ALK: variants seen among roughly 807,000 people sequenced by gnomAD.
ALK encodes the protein ALK receptor tyrosine kinase.
A neutral mutation model predicts 163.1 loss-of-function variants in ALK; 74 were observed. The observed-to-expected ratio is 0.45, with a 90% CI of 0.38 to 0.55. ALK has a LOEUF of 0.55. ALK is among the 20% of genes least tolerant of loss of function. The probability of loss-of-function intolerance (pLI) is 0.00; values close to 1 mark genes in which losing one functional copy is unlikely to be tolerated. For missense variants in ALK, 2,063 were observed against 2,105.3 expected, an observed-to-expected ratio of 0.98 and a Z score of 0.39; for synonymous variants, 960 against 843.2, an observed-to-expected ratio of 1.14 and a Z score of -2.40.
chr2:29,206,018 G>A (rs1402629434), intron 26 of ALK, among the ~76,000 whole-genome samples: 1 of 152,182 alleles, frequency 6.6e-6, no homozygotes, highest in African/African-American at 2.4e-5. Flanking sequence ...CAGGACCAGG[G>A]AGACTTCAGT....
At chr2:29,561,499 A>C (rs1674022423) in intron 3 of ALK, among the ~76,000 whole-genome samples, 1 of 152,192 alleles carries the variant, frequency 6.6e-6, no homozygotes, top group Non-Finnish European at 1.5e-5. Context: ...AGAGAATACC[A>C]AGTTCACTGT....
chr2:29,655,361 G>T (rs1677156139), intron 3 of ALK, among the ~76,000 whole-genome samples: 1 of 152,138 alleles, frequency 6.6e-6, no homozygotes, highest in Admixed American at 6.5e-5. Context: ...AAGATGTCAA[G>T]ATGTCCAAAT....
chr2:29,291,810 A>C (rs905802671), intron 9 of ALK, among the ~76,000 whole-genome samples: 7 of 152,170 alleles, frequency 4.6e-5, no homozygotes, highest in African/African-American at 1.7e-4. Flanking sequence ...GAAATCTACT[A>C]TTTCTCTACA....
intron 1 of ALK, among the ~76,000 whole-genome samples, chr2:29,824,433 G>A (rs1665137898): frequency 6.6e-6 from 1 of 152,208 alleles, no homozygotes; most frequent in African/African-American, 2.4e-5. Context: ...CCATGAGCCT[G>A]GAAAAGCCAC....
intron 11 of ALK, among the ~76,000 whole-genome samples, chr2:29,256,234 T>C (rs1211716585): frequency 6.6e-6 from 1 of 152,146 alleles, no homozygotes; most frequent in Non-Finnish European, 1.5e-5. Context: ...TCCTGACTTG[T>C]TTTGTCCTTC....
intron 3 of ALK, among the ~76,000 whole-genome samples, chr2:29,616,188 C>T (rs2094652997): frequency 6.6e-6 from 1 of 152,108 alleles, no homozygotes; most frequent in African/African-American, 2.4e-5. Flanking sequence ...AGAGGGAGCT[C>T]CTGCTTGGAA....
intron 6 of ALK, among the ~76,000 whole-genome samples, chr2:29,326,458 C>T (rs1667264907): frequency 6.6e-6 from 1 of 152,188 alleles, no homozygotes; most frequent in Non-Finnish European, 1.5e-5. Context: ...ATCGCGAAAT[C>T]ACAGAGTTCA....
At chr2:29,594,427 T>C (rs951545787) in intron 3 of ALK, among the ~76,000 whole-genome samples, 3 of 107,652 alleles carry the variant, frequency 2.8e-5, no homozygotes, top group African/African-American at 5.2e-5. Context: ...GTCTCCTCAC[T>C]TTTTTTTTTT....
intron 1 of ALK, among the ~76,000 whole-genome samples, chr2:29,876,207 T>C (rs559680619): frequency 5.9e-5 from 9 of 152,320 alleles, no homozygotes; most frequent in African/African-American, 1.9e-4. Context: ...GTTGTCAGGA[T>C]TAAAGGAAAT....
chr2:29,649,961 A>G (rs923675173), intron 3 of ALK, among the ~76,000 whole-genome samples: 1 of 152,130 alleles, frequency 6.6e-6, no homozygotes, highest in Admixed American at 6.6e-5. Context: ...AGACCACAAA[A>G]TCTATGCAGA....
intron 1 of ALK, among the ~76,000 whole-genome samples, chr2:29,729,130 C>T (rs1335305401): frequency 1.3e-5 from 2 of 152,198 alleles, no homozygotes; most frequent in East Asian, 1.9e-4. Context: ...AGCCTCCCCT[C>T]GCTCTGAAAC....
chr2:29,334,636 A>G lies in ALK; in HGVS notation c.1283-6155T>C, dbSNP rs183013079. 1.0e-3 allele frequency among the ~76,000 whole-genome samples: 156 copies of G among 152,290 alleles called. 1 individual carries two copies. The highest frequency in any genetic ancestry group is 3.6e-3 in the African/African-American group (148 of 41,560). On this transcript the variant is annotated intron_variant, in intron 5 of 28. Transcript: ENST00000389048. ...CTCTGATGCCCTGGATTTTGTCCCC[A>G]GGACCTGTCTTCCTGGGTGGAAGCA...
intron 1 of ALK, among the ~76,000 whole-genome samples, chr2:29,796,197 G>A (rs558897803): frequency 1.3e-5 from 2 of 152,218 alleles, no homozygotes; most frequent in African/African-American, 4.8e-5. Flanking sequence ...TGGAACCATC[G>A]GTAGATCTGT....
intron 5 of ALK, among the ~76,000 whole-genome samples, chr2:29,363,279 C>A (rs1375945273): frequency 1.3e-5 from 2 of 152,212 alleles, no homozygotes; most frequent in Non-Finnish European, 2.9e-5. Context: ...AACCACAGAA[C>A]CCACTTTGGC....
chr2:29,319,841 G>T (rs1055380418), intron 7 of ALK, among the ~76,000 whole-genome samples: 3 of 152,256 alleles, frequency 2.0e-5, no homozygotes, highest in Non-Finnish European at 4.4e-5. Context: ...CTGCTGCACA[G>T]TGGGGACTGA....
chr2:29,442,842 A>G (rs774879501), intron 4 of ALK, among the ~76,000 whole-genome samples: 5 of 152,244 alleles, frequency 3.3e-5, no homozygotes, highest in Non-Finnish European at 7.3e-5. Flanking sequence ...TTTAATTTGT[A>G]AAAACATAGT....
At chr2:29,516,955 A>G (rs1042010009) in intron 4 of ALK, among the ~76,000 whole-genome samples, 1 of 152,254 alleles carries the variant, frequency 6.6e-6, no homozygotes, top group African/African-American at 2.4e-5. Flanking sequence ...TATCCTTATC[A>G]TCATCTACTT....
intron 3 of ALK, among the ~76,000 whole-genome samples, chr2:29,636,908 T>C (rs1007773332): frequency 3.9e-5 from 6 of 152,270 alleles, no homozygotes; most frequent in African/African-American, 1.2e-4. Flanking sequence ...CTCACATCTG[T>C]CAGAATGGCT....
At chr2:29,868,510 T>A (rs1017760256) in intron 1 of ALK, among the ~76,000 whole-genome samples, 1 of 151,890 alleles carries the variant, frequency 6.6e-6, no homozygotes, top group African/African-American at 2.4e-5. Context: ...AGTTTCAGAG[T>A]GTGTGTAAGG....
Sources: gnomAD v4.1 joint callset for allele counts (sites outside exome capture counted in the v4.1 genomes callset) on GRCh38, gnomAD v4.1.1 for gene constraint, MANE v1.5 for transcripts, NCBI Gene and HGNC (gene_info 2026-07-23, HGNC 2026-07-21) for gene names.